DPYD: variants seen among roughly 807,000 people sequenced by gnomAD.
The protein encoded by DPYD is dihydropyrimidine dehydrogenase [NADP(+)].
A neutral mutation model predicts 116.2 loss-of-function variants in DPYD; 109 were observed. The ratio of observed to expected loss-of-function variants is 0.94; its 90% CI spans 0.80 to 1.10. DPYD has a LOEUF of 1.10. Among genes scored for constraint, DPYD ranks in the 50% least tolerant of loss-of-function variants. DPYD has a pLI of 0.00. For missense variants in DPYD, 1,302 were observed against 1,254.5 expected, an observed-to-expected ratio of 1.04 and a Z score of -0.57; for synonymous variants, 440 against 432.0, an observed-to-expected ratio of 1.02 and a Z score of -0.23.
intron 20 of DPYD, among the ~76,000 whole-genome samples, chr1:97,183,266 T>C (rs980327499): frequency 2.6e-5 from 4 of 152,128 alleles, no homozygotes; most frequent in African/African-American, 9.6e-5. Flanking sequence ...ATATCACATA[T>C]TTAAAATTAC....
At chr1:97,489,649 G>C (rs1678857045) in intron 13 of DPYD, among the ~76,000 whole-genome samples, 2 of 152,144 alleles carry the variant, frequency 1.3e-5, no homozygotes, top group South Asian at 2.1e-4. Flanking sequence ...GATAGCCTTT[G>C]TTGAGTACTT....
At chr1:97,805,061 G>A (rs1445419935) in intron 3 of DPYD, among the ~76,000 whole-genome samples, 2 of 151,840 alleles carry the variant, frequency 1.3e-5, no homozygotes, top group Non-Finnish European at 2.9e-5. Context: ...CAGAGATTCA[G>A]AGGCTTACTA....
Position 97,090,471 on chromosome 1 carries a change from C to A in DPYD, c.2767-8001G>T, listed in dbSNP as rs543513291. 1.1e-4 allele frequency among the ~76,000 whole-genome samples: 16 copies of A among 152,250 alleles called. No homozygotes were observed. The South Asian group carries it at 3.1e-3, about 30-fold the overall frequency. On this transcript the variant is annotated intron_variant, in intron 21 of 22. Transcript: ENST00000370192. ...GCTAATTCGCAAGCACGTAGTGATGCTTGAAACCTCATAAGTACTCAATAA... is the reference window on the plus strand; with the variant it reads ...GCTAATTCGCAAGCACGTAGTGATGATTGAAACCTCATAAGTACTCAATAA...
chr1:97,193,244 C>A lies in DPYD; in HGVS notation c.2447G>T (p.Cys816Phe). The A allele has an allele frequency of 1.2e-6, 2 of 1,613,252 alleles. No individual in the cohort carries two copies. Among genetic ancestry groups the A allele is most frequent in the Non-Finnish European group, 1.7e-6 (2 of 1,179,644 alleles). The change falls in exon 20 of 23, where the codon TGC (cysteine) becomes TTC (phenylalanine). Residue 816 changes from cysteine (C) to phenylalanine (F), a missense_variant. Cys to Phe is a radical substitution (Grantham distance 205). Transcript: ENST00000370192. ...GAAATCCTGATTCTGAATGGCACTGCATACCTAGAAAAGACAGAGCAGTCA... is the reference window on the plus strand; with the variant it reads ...GAAATCCTGATTCTGAATGGCACTGAATACCTAGAAAAGACAGAGCAGTCA... ...LHSGASVLQV[C>F]SAIQNQDFTV...
At chr1:97,403,888 T>C (rs2101644100) in intron 14 of DPYD, among the ~76,000 whole-genome samples, 3 of 152,170 alleles carry the variant, frequency 2.0e-5, no homozygotes, top group Middle Eastern at 6.8e-3. Flanking sequence ...ACTTAGGTCA[T>C]TAATTTTAAA....
intron 18 of DPYD, among the ~76,000 whole-genome samples, chr1:97,252,654 CTA>C (rs1273569169): frequency 6.6e-6 from 1 of 152,094 alleles, no homozygotes; most frequent in Non-Finnish European, 1.5e-5. Context: ...GCCAAAACCG[CTA>C]TATACTGTTT....
At chr1:97,919,296 T>C (rs981527730) in intron 1 of DPYD, among the ~76,000 whole-genome samples, 1 of 152,206 alleles carries the variant, frequency 6.6e-6, no homozygotes, top group African/African-American at 2.4e-5. Flanking sequence ...CCATATAGAC[T>C]AAGGTTGAAT....
intron 2 of DPYD, among the ~76,000 whole-genome samples, chr1:97,831,295 G>A (rs2101494693): frequency 6.6e-6 from 1 of 152,202 alleles, no homozygotes; most frequent in Non-Finnish European, 1.5e-5. Flanking sequence ...ATAAAAGTAA[G>A]CATTAAATAT....
intron 2 of DPYD, among the ~76,000 whole-genome samples, chr1:97,882,108 G>T (rs968789313): frequency 1.3e-5 from 2 of 151,848 alleles, no homozygotes; most frequent in African/African-American, 4.8e-5. Flanking sequence ...GTCATGGCTT[G>T]TAAGTGGCCT....
At chr1:97,689,956 T>C in intron 7 of DPYD, among the ~76,000 whole-genome samples, 1 of 152,082 alleles carries the variant, frequency 6.6e-6, no homozygotes, top group East Asian at 1.9e-4. Context: ...AAGACAGTAC[T>C]GTTAGCTTTC....
At chr1:97,916,821 A>T (rs1366041734) in intron 1 of DPYD, among the ~76,000 whole-genome samples, 1 of 152,190 alleles carries the variant, frequency 6.6e-6, no homozygotes, top group East Asian at 1.9e-4. Context: ...CAGCCCGGGC[A>T]ATATACTGAG....
chr1:97,194,694 G>A (rs1317059481), intron 19 of DPYD, among the ~76,000 whole-genome samples: 14 of 151,794 alleles, frequency 9.2e-5, no homozygotes, highest in African/African-American at 2.4e-4. Context: ...TAGTAGGAAC[G>A]GGGTTTCACC....
intron 8 of DPYD, among the ~76,000 whole-genome samples, chr1:97,600,468 T>G (rs1374399882): frequency 6.6e-6 from 1 of 152,198 alleles, no homozygotes; most frequent in African/African-American, 2.4e-5. Flanking sequence ...TTATTAAATC[T>G]TATAAAATAT....
chr1:97,244,913 T>C (rs1284246778), intron 18 of DPYD, among the ~76,000 whole-genome samples: 2 of 152,094 alleles, frequency 1.3e-5, no homozygotes, highest in African/African-American at 4.8e-5. Context: ...TTCCTTATAC[T>C]ACTAAGATCC....
At chr1:97,853,742 T>A (rs1670677129) in intron 2 of DPYD, among the ~76,000 whole-genome samples, 1 of 152,214 alleles carries the variant, frequency 6.6e-6, no homozygotes, top group Non-Finnish European at 1.5e-5. Context: ...GATCATCAGA[T>A]AATGCACAGA....
intron 20 of DPYD, among the ~76,000 whole-genome samples, chr1:97,165,482 T>C (rs913777442): frequency 4.6e-5 from 7 of 152,092 alleles, no homozygotes; most frequent in Non-Finnish European, 7.4e-5. Flanking sequence ...GATGACAACC[T>C]AGACAACACC....
chr1:97,423,548 A>G (rs1674698476), intron 14 of DPYD, among the ~76,000 whole-genome samples: 1 of 152,204 alleles, frequency 6.6e-6, no homozygotes, highest in Admixed American at 6.5e-5. Context: ...TGGTGACCCG[A>G]ATGAGTTAAT....
At chr1:97,079,273 G>A in intron 22 of DPYD, 127 bp from the exon 23 acceptor site, 1 of 926,500 alleles carries the variant, frequency 1.1e-6, no homozygotes, top group Non-Finnish European at 1.8e-6. Context: ...CCAGCTCTAT[G>A]GTGCAACTAT....
chr1:97,361,741 A>T (rs371090814), intron 16 of DPYD, among the ~76,000 whole-genome samples: 7 of 152,382 alleles, frequency 4.6e-5, no homozygotes, highest in Middle Eastern at 3.4e-3. Context: ...AAGGCCTTCA[A>T]TAAAATTGAA....
Sources: gnomAD v4.1 joint callset for allele counts (sites outside exome capture counted in the v4.1 genomes callset) on GRCh38, gnomAD v4.1.1 for gene constraint, MANE v1.5 for transcripts, NCBI Gene and HGNC (gene_info 2026-07-23, HGNC 2026-07-21) for gene names.